The following SSU72L6 variants were observed in gnomAD, a reference collection of about 807,000 sequenced individuals.
The protein encoded by SSU72L6 is RNA polymerase II subunit A C-terminal domain phosphatase SSU72 like protein 6.
the SSU72L6 span, chr7:124,476,561 T>C: frequency 9.0e-6 from 7 of 780,708 alleles, no homozygotes; most frequent in African/African-American, 1.2e-4. Context: ...TATAAGGAGA[T>C]GTACAATGAC....
chr7:124,476,914 A>C, the SSU72L6 span: 1 of 763,784 alleles, frequency 1.3e-6, no homozygotes, highest in Non-Finnish European at 2.4e-6. Context: ...AATGGAGGAG[A>C]AGGCAGGAAA....
chr7:124,477,168 C>T, the SSU72L6 span, among the ~76,000 whole-genome samples: 17 of 152,176 alleles, frequency 1.1e-4, no homozygotes, highest in African/African-American at 4.1e-4. Flanking sequence ...AAATGCTTGG[C>T]ATTGTTCTAC....
At chr7:124,476,812 G>GCCATCCTGGGAGCTTT in the SSU72L6 span, 1 of 775,200 alleles carries the variant, frequency 1.3e-6, no homozygotes, top group East Asian at 2.4e-5. Flanking sequence ...CCTGGAAGGT[G>GCCATCCTGGGAGCTTT]CCATCCTGGG....
the SSU72L6 span, chr7:124,476,361 G>T: frequency 1.0e-5 from 8 of 767,406 alleles, no homozygotes; most frequent in Non-Finnish European, 1.9e-5. Context: ...TGTTCCCAGT[G>T]GCCACCATCA....
the SSU72L6 span, chr7:124,477,014 C>T: frequency 1.1e-5 from 7 of 645,642 alleles, 1 homozygote; most frequent in South Asian, 1.2e-4. Flanking sequence ...GACTTTAGTC[C>T]AGATTGATTG....
the SSU72L6 span, chr7:124,477,031 G>A: frequency 1.6e-6 from 1 of 631,086 alleles, no homozygotes; most frequent in East Asian, 2.7e-5. Context: ...ATTGTGAGAA[G>A]TATCTACAAA....
At chr7:124,476,694 C>G in the SSU72L6 span, 1 of 780,670 alleles carries the variant, frequency 1.3e-6, no homozygotes, top group Non-Finnish European at 2.4e-6. Context: ...TTGATGTCAT[C>G]TTTACCTGTG....
At chr7:124,476,654 C>T in the SSU72L6 span, 1 of 780,674 alleles carries the variant, frequency 1.3e-6, no homozygotes. Context: ...AAGCCTGGCC[C>T]AGAAAGATTT....
chr7:124,477,646 TAAAAA>T, the SSU72L6 span, among the ~76,000 whole-genome samples: 1 of 133,032 alleles, frequency 7.5e-6, no homozygotes, highest in Admixed American at 7.4e-5. Context: ...AAAATTTAAA[TAAAAA>T]AAAAAAAAAG....
the SSU72L6 span, chr7:124,476,329 G>T: frequency 1.1e-5 from 8 of 728,340 alleles, no homozygotes; most frequent in Admixed American, 1.5e-4. Context: ...CCCTGCAGCA[G>T]CTGAGGTGCC....
chr7:124,477,164 T>A, the SSU72L6 span, among the ~76,000 whole-genome samples: 1 of 152,254 alleles, frequency 6.6e-6, no homozygotes, highest in African/African-American at 2.4e-5. Flanking sequence ...TGAAAAATGC[T>A]TGGCATTGTT....
At chr7:124,476,631 A>T in the SSU72L6 span, 1 of 780,618 alleles carries the variant, frequency 1.3e-6, no homozygotes, top group Non-Finnish European at 2.4e-6. Flanking sequence ...TCTTGGGAAG[A>T]AATGAGAGAA....
chr7:124,477,489 C>T, the SSU72L6 span, among the ~76,000 whole-genome samples: 2 of 151,004 alleles, frequency 1.3e-5, no homozygotes, highest in African/African-American at 2.4e-5. Flanking sequence ...CATGTTTGAA[C>T]CAATAAATGT....
the SSU72L6 span, chr7:124,476,686 G>A: frequency 2.6e-6 from 2 of 780,574 alleles, no homozygotes; most frequent in Non-Finnish European, 4.8e-6. Flanking sequence ...TGAATTCTTT[G>A]ATGTCATCTT....
chr7:124,477,457 C>A, the SSU72L6 span, among the ~76,000 whole-genome samples: 1 of 150,938 alleles, frequency 6.6e-6, no homozygotes, highest in Non-Finnish European at 1.5e-5. Flanking sequence ...TGTTGTTCTT[C>A]TTTAATAAGA....
At chr7:124,477,101 T>A in the SSU72L6 span, 4 of 593,408 alleles carry the variant, frequency 6.7e-6, no homozygotes, top group Non-Finnish European at 9.0e-6. Context: ...AAGAGACTAT[T>A]ACCAAGAAAA....
the SSU72L6 span, chr7:124,476,347 C>G: frequency 4.2e-5 from 32 of 757,118 alleles, no homozygotes; most frequent in Non-Finnish European, 7.9e-5. Flanking sequence ...GCCTGTGTCT[C>G]TCTTGTTCCC....
At chr7:124,476,609 G>A in the SSU72L6 span, 1 of 780,672 alleles carries the variant, frequency 1.3e-6, no homozygotes, top group South Asian at 1.3e-5. Flanking sequence ...ACCCACAATG[G>A]AATCTTACAC....
chr7:124,477,081 A>G, the SSU72L6 span: 1 of 598,366 alleles, frequency 1.7e-6, no homozygotes, highest in East Asian at 2.8e-5. Flanking sequence ...TTTTGTACAT[A>G]TCACCTGGAA....
Sources: allele counts gnomAD v4.1 joint callset (sites outside exome capture counted in the v4.1 genomes callset), GRCh38; gene constraint gnomAD v4.1.1; transcripts MANE v1.5; gene names NCBI Gene and HGNC (gene_info 2026-07-23, HGNC 2026-07-21).